KCNIP4: variants seen among roughly 807,000 people sequenced by gnomAD.
The protein encoded by KCNIP4 is Kv channel-interacting protein 4.
A neutral mutation model predicts 34.0 loss-of-function variants in KCNIP4; 12 were observed. The observed-to-expected ratio is 0.35, with a 90% confidence interval of 0.23 to 0.57. KCNIP4 has a LOEUF of 0.57. Among genes scored for constraint, KCNIP4 ranks in the 20% least tolerant of loss-of-function variants. KCNIP4 has a pLI of 0.83. For missense variants in KCNIP4, 238 were observed against 311.7 expected (o/e 0.76, Z 1.78); for synonymous variants, 124 against 102.2 (o/e 1.21, Z -1.29).
intron 1 of KCNIP4, among the ~76,000 whole-genome samples, chr4:20,951,508 T>A (rs565242533): frequency 1.1e-4 from 17 of 152,322 alleles, no homozygotes; most frequent in African/African-American, 2.6e-4. Context: ...AAGTCTTAAA[T>A]GAGAACCAGC....
At chr4:21,634,690 A>G (rs181797520) in intron 1 of KCNIP4, among the ~76,000 whole-genome samples, 1 of 152,220 alleles carries the variant, frequency 6.6e-6, no homozygotes, top group African/African-American at 2.4e-5. Context: ...TTGGAATTTA[A>G]GGAGACATAT....
At chr4:21,613,399 T>G (rs1744318777) in intron 1 of KCNIP4, 1 of 152,116 alleles carries the variant, frequency 6.6e-6, no homozygotes, top group South Asian at 2.1e-4. Flanking sequence ...GGAGAAAAAC[T>G]AAGGCCTCCT....
intron 2 of KCNIP4, among the ~76,000 whole-genome samples, chr4:20,869,251 A>G (rs1273917271): frequency 6.6e-6 from 1 of 152,136 alleles, no homozygotes; most frequent in Non-Finnish European, 1.5e-5. Flanking sequence ...AAAAGCTATT[A>G]GGAAAACTGA....
intron 1 of KCNIP4, among the ~76,000 whole-genome samples, chr4:21,052,201 T>C (rs894493323): frequency 2.6e-5 from 4 of 152,172 alleles, no homozygotes; most frequent in African/African-American, 7.2e-5. Context: ...TTCCAAGCGT[T>C]TGGAATTGAG....
intron 1 of KCNIP4, among the ~76,000 whole-genome samples, chr4:21,301,937 T>C (rs1490347753): frequency 6.6e-6 from 1 of 152,222 alleles, no homozygotes; most frequent in African/African-American, 2.4e-5. Context: ...TGTCAACTTT[T>C]ATTCATTAAA....
intron 1 of KCNIP4, among the ~76,000 whole-genome samples, chr4:21,120,128 T>A (rs1166637681): frequency 6.6e-6 from 1 of 152,132 alleles, no homozygotes; most frequent in South Asian, 2.1e-4. Flanking sequence ...TTTCTAGACA[T>A]CGGGAAATCT....
At chr4:21,134,114 C>T (rs1006773619) in intron 1 of KCNIP4, among the ~76,000 whole-genome samples, 4 of 152,120 alleles carry the variant, frequency 2.6e-5, no homozygotes, top group African/African-American at 9.7e-5. Flanking sequence ...CCCAGACCAC[C>T]CACAGGTGAC....
chr4:21,754,589 G>A (rs1313631404), intron 1 of KCNIP4, among the ~76,000 whole-genome samples: 5 of 152,072 alleles, frequency 3.3e-5, no homozygotes, highest in Admixed American at 2.6e-4. Flanking sequence ...TGAAACTAGG[G>A]CTCAGACCAG....
Position 21,074,731 on chromosome 4 carries a change from G to A in KCNIP4, c.62-192022C>T, listed in dbSNP as rs112880885. ...CCTAGTTCTTTTAATTGTGATGTTA[G>A]GGTGTCAATTTTGGATCTTTCCTGC... On this transcript the variant is annotated intron_variant, in intron 1 of 8. Transcript: ENST00000382152. Among the ~76,000 whole-genome samples the A allele has an allele frequency of 4.2e-3, 639 of 152,216 alleles. 4 individuals carry two copies. The highest frequency in any genetic ancestry group is 0.015 in the African/African-American group (610 of 41,524).
intron 1 of KCNIP4, among the ~76,000 whole-genome samples, chr4:21,347,780 C>T (rs1872457): frequency 0.026 from 3,881 of 152,188 alleles, 197 homozygotes; most frequent in East Asian, 0.2. Flanking sequence ...CTCTTCTCAC[C>T]CATTTTCCTG....
At chr4:20,877,262 A>G (rs6447993) in intron 2 of KCNIP4, among the ~76,000 whole-genome samples, 26,662 of 152,210 alleles carry the variant, frequency 0.18, 2,517 homozygotes, top group Middle Eastern at 0.2. Flanking sequence ...TCCACCTTCT[A>G]GTAACCATCA....
intron 1 of KCNIP4, among the ~76,000 whole-genome samples, chr4:21,074,392 T>C (rs6840003): frequency 0.26 from 39,406 of 152,046 alleles, 5,446 homozygotes; most frequent in African/African-American, 0.34. Context: ...AGGAATTTAT[T>C]CATTTCTTCT....
At chr4:21,658,519 G>T (rs908600373) in intron 1 of KCNIP4, among the ~76,000 whole-genome samples, 2 of 152,016 alleles carry the variant, frequency 1.3e-5, no homozygotes, top group African/African-American at 4.8e-5. Context: ...GGGTTCAAGT[G>T]ATTCTCCTTC....
At chr4:21,154,262 A>G (rs961318612) in intron 1 of KCNIP4, among the ~76,000 whole-genome samples, 5 of 152,230 alleles carry the variant, frequency 3.3e-5, no homozygotes, top group African/African-American at 1.2e-4. Context: ...ATCATCACAC[A>G]TTGTATGCTT....
At chr4:21,414,590 C>T (rs1724786036) in intron 1 of KCNIP4, among the ~76,000 whole-genome samples, 1 of 152,056 alleles carries the variant, frequency 6.6e-6, no homozygotes, top group African/African-American at 2.4e-5. Flanking sequence ...GGGTATTTAT[C>T]CAAAATAATT....
intron 1 of KCNIP4, among the ~76,000 whole-genome samples, chr4:21,381,122 G>A (rs547016744): frequency 1.3e-5 from 2 of 152,272 alleles, no homozygotes; most frequent in South Asian, 4.1e-4. Flanking sequence ...GATGTTCTGT[G>A]CCTTCGTTAA....
chr4:21,025,619 T>C (rs1241944700), intron 1 of KCNIP4, among the ~76,000 whole-genome samples: 1 of 130,944 alleles, frequency 7.6e-6, no homozygotes. Flanking sequence ...AGTGGTGCGA[T>C]TTCGCCTCAC....
At chr4:20,872,813 A>G (rs1468855238) in intron 2 of KCNIP4, among the ~76,000 whole-genome samples, 1 of 152,174 alleles carries the variant, frequency 6.6e-6, no homozygotes, top group Non-Finnish European at 1.5e-5. Flanking sequence ...AAAAGACTTA[A>G]TCACATAGGT....
At chr4:21,454,763 C>T (rs73105836) in intron 1 of KCNIP4, among the ~76,000 whole-genome samples, 2 of 152,178 alleles carry the variant, frequency 1.3e-5, no homozygotes, top group South Asian at 4.1e-4. Context: ...TATTGATGCT[C>T]TCTTATTTTC....
Sources: allele counts gnomAD v4.1 joint callset (sites outside exome capture counted in the v4.1 genomes callset), GRCh38; gene constraint gnomAD v4.1.1; transcripts MANE v1.5; gene names NCBI Gene and HGNC (gene_info 2026-07-23, HGNC 2026-07-21).